Variants in BLNK observed in about 807,000 individuals in gnomAD.
BLNK encodes the protein B-cell linker protein.
Under a neutral mutation model 73.5 loss-of-function variants are expected in BLNK, and 29 were observed. That is an observed-to-expected ratio of 0.39 (90% CI 0.29 to 0.54). BLNK has a LOEUF of 0.54. BLNK is among the 20% of genes least tolerant of loss of function. The pLI is 0.61. For missense variants in BLNK, 460 were observed against 562.8 expected (o/e 0.82, Z 1.85); for synonymous variants, 176 against 200.8 (o/e 0.88, Z 1.04).
At chr10:96,264,439 A>C (rs1199197212) in intron 1 of BLNK, among the ~76,000 whole-genome samples, 3 of 152,230 alleles carry the variant, frequency 2.0e-5, no homozygotes, top group African/African-American at 7.2e-5. Context: ...AGCCTTGAGC[A>C]TCTGACATTA....
At chr10:96,201,359 A>T (rs1554896106) in intron 13 of BLNK, among the ~76,000 whole-genome samples, 3 of 152,256 alleles carry the variant, frequency 2.0e-5, no homozygotes, top group Admixed American at 2.0e-4. Flanking sequence ...AGAATCCAGC[A>T]GTCTCTGTTA....
intron 7 of BLNK, 65 bp downstream of exon 7, chr10:96,216,588 A>C: frequency 7.1e-7 from 1 of 1,399,966 alleles, no homozygotes; most frequent in Non-Finnish European, 1.0e-6. Flanking sequence ...CTTACTACCA[A>C]ATACTCTTAT....
At chr10:96,215,477 A>T (rs2084044025) in intron 7 of BLNK, 88 bp from the exon 8 acceptor site, 12 of 1,289,064 alleles carry the variant, frequency 9.3e-6, no homozygotes, top group Non-Finnish European at 1.3e-5. Flanking sequence ...ATTCACACTC[A>T]GGGAAAAATG....
intron 16 of BLNK, among the ~76,000 whole-genome samples, chr10:96,193,585 G>C (rs2083382422): frequency 6.6e-6 from 1 of 151,996 alleles, no homozygotes; most frequent in Admixed American, 6.6e-5. Flanking sequence ...AAAAGAATTG[G>C]GCATAACATA....
At chr10:96,201,296 A>G (rs1324431332) in intron 13 of BLNK, among the ~76,000 whole-genome samples, 1 of 152,192 alleles carries the variant, frequency 6.6e-6, no homozygotes, top group African/African-American at 2.4e-5. Flanking sequence ...AATTTTCCTC[A>G]TGTAGTTCCA....
At position 96,194,796 on chromosome 10, in the gene BLNK, A is replaced by G. The variant is rs975170134; in HGVS notation, c.1251+2112T>C. Among the ~76,000 whole-genome samples the G allele has an allele frequency of 4.8e-3, 387 of 80,694 alleles. 2 individuals are homozygous for G. The highest frequency in any genetic ancestry group is 8.8e-3 in the Non-Finnish European group (326 of 37,150). 52.9% of individuals were successfully genotyped at this position (80,694 alleles called of 152,430 possible). On this transcript the variant is annotated intron_variant, in intron 16 of 16. Coordinates refer to ENST00000224337, the MANE Select transcript of BLNK (RefSeq NM_013314.4). Reference sequence around the variant, plus strand: ...TTTTTTTTTTTTTTTTTTGAGACGGAGTCTCGCTCTGTCGCCCAGGCTGGA... The same window carrying G: ...TTTTTTTTTTTTTTTTTTGAGACGGGGTCTCGCTCTGTCGCCCAGGCTGGA...
Position 96,190,227 on chromosome 10 carries a change from C to T in BLNK, c.*1746G>A, listed in dbSNP as rs587728112. ...GTCCATCGAATCTTCCATCAGGTGGCGGCACACACTTAGGTGGGAGAGAAA... is the reference window on the plus strand; with the variant it reads ...GTCCATCGAATCTTCCATCAGGTGGTGGCACACACTTAGGTGGGAGAGAAA... On this transcript the variant is annotated 3_prime_UTR_variant, in exon 17 of 17. Transcript: ENST00000224337. 79 of 753,714 alleles carry T rather than the reference C, an allele frequency of 1.0e-4. No homozygotes were observed. Among genetic ancestry groups the T allele is most frequent in the South Asian group, 9.3e-4 (69 of 74,444 alleles). 46.7% of individuals were successfully genotyped at this position (753,714 alleles called of 1,614,324 possible). A position where few individuals can be genotyped will look rare whatever the true frequency, so the allele number is the denominator to read the frequency against.
At position 96,230,807 on chromosome 10, in the gene BLNK, C is replaced by T; in HGVS notation, c.191G>A (p.Trp64Ter). 1 of 1,611,104 alleles carries T rather than the reference C, an allele frequency of 6.2e-7. No individual in the cohort carries two copies. Among genetic ancestry groups the T allele is most frequent in the Admixed American group, 1.7e-5 (1 of 59,702 alleles). The change falls in exon 4 of 17, where the codon TGG becomes TAG. Residue 64 changes from tryptophan (W) to a stop codon, truncating the protein, a stop_gained. Transcript: ENST00000224337. LOFTEE classifies it high-confidence loss of function. ...GCAAATACTTACAAAGTCATCGGAC[C>T]ACTGCTCCTCTTCGTCAGCAGGGCT... ...SESPADEEEQ[W>*]SDDFDSDYEN...
At chr10:96,236,389 A>G (rs1554905106) in intron 3 of BLNK, among the ~76,000 whole-genome samples, 1 of 152,218 alleles carries the variant, frequency 6.6e-6, no homozygotes, top group African/African-American at 2.4e-5. Context: ...GCAGAACTAC[A>G]GAGGCTGCAG....
intron 7 of BLNK, 99 bp downstream of exon 7, chr10:96,216,554 C>T (rs1359581037): frequency 5.7e-6 from 6 of 1,049,050 alleles, no homozygotes; most frequent in Non-Finnish European, 8.9e-6. Context: ...GTCCTGGGCA[C>T]TGTCATTTCT....
intron 2 of BLNK, among the ~76,000 whole-genome samples, chr10:96,244,167 G>A (rs1842965885): frequency 6.6e-6 from 1 of 152,138 alleles, no homozygotes; most frequent in South Asian, 2.1e-4. Flanking sequence ...TCACAAGCCA[G>A]CAGGGTGGGC....
intron 6 of BLNK, among the ~76,000 whole-genome samples, chr10:96,217,638 A>G (rs1358833148): frequency 6.6e-6 from 1 of 152,096 alleles, no homozygotes; most frequent in Non-Finnish European, 1.5e-5. Flanking sequence ...ATCTTTGCCC[A>G]TTTTTAATTG....
chr10:96,246,970 A>G lies in BLNK; in HGVS notation c.113+14T>C, dbSNP rs1554907766. 3 of 1,559,558 alleles carry G rather than the reference A, an allele frequency of 1.9e-6. No individual in the cohort carries two copies. Among genetic ancestry groups the G allele is most frequent in the African/African-American group, 1.4e-5 (1 of 73,620 alleles). ...ATTTTATATAATTAAGTATTTAAAT[A>G]GAGGCGAACTTACTTTTTGATTTTA... On this transcript the variant is annotated intron_variant, in intron 2 of 16. Coordinates refer to ENST00000224337, the MANE Select transcript of BLNK (RefSeq NM_013314.4).
chr10:96,241,734 CTT>C (rs34238526), intron 3 of BLNK, among the ~76,000 whole-genome samples: 220 of 142,404 alleles, frequency 1.5e-3, no homozygotes, highest in Non-Finnish European at 1.5e-3. Context: ...TCTTTTCTTT[CTT>C]TTTTTTTTTT....
intron 4 of BLNK, among the ~76,000 whole-genome samples, chr10:96,228,130 C>T (rs1212731931): frequency 2.1e-5 from 3 of 146,178 alleles, no homozygotes; most frequent in African/African-American, 7.6e-5. Flanking sequence ...GATGGAGTCT[C>T]ACTCTGTTGC....
intron 3 of BLNK, among the ~76,000 whole-genome samples, chr10:96,240,179 C>G (rs1842839451): frequency 6.6e-6 from 1 of 152,166 alleles, no homozygotes; most frequent in African/African-American, 2.4e-5. Flanking sequence ...TCTTATCTGA[C>G]TCCCCACTAG....
intron 15 of BLNK, among the ~76,000 whole-genome samples, chr10:96,197,913 CA>C (rs587730449): frequency 8.7e-4 from 112 of 128,294 alleles, no homozygotes; most frequent in African/African-American, 1.2e-3. Flanking sequence ...GAGACAACAT[CA>C]AAAAAAAAAA....
chr10:96,253,014 C>T (rs1035856516), intron 1 of BLNK, among the ~76,000 whole-genome samples: 1 of 152,114 alleles, frequency 6.6e-6, no homozygotes, highest in Admixed American at 6.5e-5. Context: ...TGTGATGTTT[C>T]CTGTCTTCCC....
intron 7 of BLNK, chr10:96,215,886 A>T (rs2084053566): frequency 3.7e-5 from 6 of 162,064 alleles, no homozygotes; most frequent in Admixed American, 2.4e-4. Flanking sequence ...GGGAATGTGT[A>T]TTTGTTCTTT....
Sources: gnomAD v4.1 joint callset for allele counts (sites outside exome capture counted in the v4.1 genomes callset) on GRCh38, gnomAD v4.1.1 for gene constraint, MANE v1.5 for transcripts, NCBI Gene and HGNC (gene_info 2026-07-23, HGNC 2026-07-21) for gene names.